The following PCNX2 variants were observed in gnomAD, a reference collection of about 807,000 sequenced individuals.
PCNX2 encodes the protein pecanex-like protein 2.
Under a neutral mutation model 223.8 loss-of-function variants are expected in PCNX2, and 168 were observed. The observed-to-expected ratio is 0.75, with a 90% confidence interval of 0.66 to 0.85. The LOEUF (loss-of-function observed/expected upper bound fraction) is 0.85, where lower values mean the gene tolerates loss of function less well. Among genes scored for constraint, PCNX2 ranks in the 40% least tolerant of loss-of-function variants. The pLI, the probability that PCNX2 is intolerant of heterozygous loss-of-function variation, is 0.00. For missense variants in PCNX2, 2,507 were observed against 2,675.5 expected, an observed-to-expected ratio of 0.94 and a Z score of 1.39; for synonymous variants, 1,006 against 1,052.6, an observed-to-expected ratio of 0.96 and a Z score of 0.86.
chr1:233,250,337 T>A (rs1289652437), intron 8 of PCNX2, among the ~76,000 whole-genome samples: 2 of 152,190 alleles, frequency 1.3e-5, no homozygotes, highest in African/African-American at 4.8e-5. Context: ...AAGATGTGTA[T>A]CTATCTGTAA....
At chr1:233,314,587 T>A in the PCNX2 span, among the ~76,000 whole-genome samples, 1 of 152,094 alleles carries the variant, frequency 6.6e-6, no homozygotes, top group African/African-American at 2.4e-5. Context: ...TTAGAATCCA[T>A]CTAAGTAGGA....
chr1:233,177,961 A>G, intron 16 of PCNX2, 63 bp from the exon 17 acceptor site: 1 of 1,334,698 alleles, frequency 7.5e-7, no homozygotes, highest in Non-Finnish European at 1.1e-6. Context: ...TTCGGTAAAT[A>G]ACTTCACCTT....
intron 25 of PCNX2, among the ~76,000 whole-genome samples, chr1:233,050,758 G>A (rs902884664): frequency 6.6e-6 from 1 of 151,928 alleles, no homozygotes; most frequent in African/African-American, 2.4e-5. Flanking sequence ...TCTGGACATG[G>A]GCCTTAGGAA....
chr1:233,260,846 G>A (rs141165366), intron 4 of PCNX2, among the ~76,000 whole-genome samples: 14 of 151,750 alleles, frequency 9.2e-5, no homozygotes, highest in African/African-American at 3.1e-4. Context: ...AACAAAAATT[G>A]TTTAAGTTAA....
upstream of PCNX2, among the ~76,000 whole-genome samples, chr1:233,299,728 T>A (rs1479751530): frequency 6.6e-6 from 1 of 152,160 alleles, no homozygotes; most frequent in Non-Finnish European, 1.5e-5. Flanking sequence ...AATACTCTGG[T>A]TTCTTCTCTT....
chr1:233,273,631 T>A (rs1486126840), intron 1 of PCNX2, among the ~76,000 whole-genome samples: 6 of 56,588 alleles, frequency 1.1e-4, no homozygotes, highest in Admixed American at 6.6e-4. Flanking sequence ...TCTTTTGGCA[T>A]TTTTTTTTTT....
At position 233,139,779 on chromosome 1, in the gene PCNX2, C is replaced by T. The variant is rs755904680; in HGVS notation, c.3594G>A (p.Ala1198=). The change falls in exon 20 of 34, where the codon GCG becomes GCA. Residue 1198 remains alanine (A), a synonymous_variant. Coordinates refer to ENST00000258229, the MANE Select transcript of PCNX2 (RefSeq NM_014801.4). The surrounding 1 kb of genome is among the most constrained non-coding windows in gnomAD (Gnocchi z 4.4). The stretch of plus-strand genomic sequence containing the variant: ...CAATAGTGAGGGCATTCAAAATTAG[C>T]GCTGGGTACAAGATGTATTTTTCAA... ...QCFEKYILYP[A]LILNALTIDA... 5.6e-6 allele frequency: 9 copies of T among 1,612,276 alleles called. No individual in the cohort carries two copies. The highest frequency in any genetic ancestry group is 1.7e-5 in the Admixed American group (1 of 59,816).
At chr1:233,150,731 C>T (rs148586492) in intron 19 of PCNX2, among the ~76,000 whole-genome samples, 352 of 120,928 alleles carry the variant, frequency 2.9e-3, no homozygotes, top group Non-Finnish European at 4.7e-3. Flanking sequence ...GTTCATTTCC[C>T]CAAAACCATC....
chr1:233,177,468 A>C (rs1370763189), intron 17 of PCNX2, among the ~76,000 whole-genome samples: 1 of 152,246 alleles, frequency 6.6e-6, no homozygotes, highest in African/African-American at 2.4e-5. Flanking sequence ...TGGATGTGTC[A>C]GGTTATAAAT....
chr1:233,289,972 C>T (rs1439586879), intron 1 of PCNX2, among the ~76,000 whole-genome samples: 1 of 152,116 alleles, frequency 6.6e-6, no homozygotes, highest in South Asian at 2.1e-4. Flanking sequence ...ATAATTTACA[C>T]TAAGTCATCT....
chr1:233,230,251 A>T (rs769854563), intron 9 of PCNX2, among the ~76,000 whole-genome samples: 8 of 152,152 alleles, frequency 5.3e-5, no homozygotes, highest in Non-Finnish European at 1.0e-4. Flanking sequence ...TGTAGGACTG[A>T]CATCCTGGGA....
At chr1:233,002,371 C>T (rs967048632) in intron 28 of PCNX2, among the ~76,000 whole-genome samples, 1 of 152,064 alleles carries the variant, frequency 6.6e-6, no homozygotes, top group African/African-American at 2.4e-5. Flanking sequence ...AATAGACAAA[C>T]AGAGAGCCAA....
intron 13 of PCNX2, among the ~76,000 whole-genome samples, chr1:233,204,758 A>AT (rs1295731101): frequency 6.6e-6 from 1 of 152,060 alleles, no homozygotes; most frequent in Non-Finnish European, 1.5e-5. Flanking sequence ...CTATTGTTCT[A>AT]TTTTTCTATT....
intron 10 of PCNX2, among the ~76,000 whole-genome samples, chr1:233,224,714 G>A (rs1657594113): frequency 6.6e-6 from 1 of 152,032 alleles, no homozygotes; most frequent in African/African-American, 2.4e-5. Flanking sequence ...AGTTCATGTA[G>A]TCCCTTTCCT....
chr1:233,066,429 G>C (rs1002711360), intron 23 of PCNX2, among the ~76,000 whole-genome samples: 10 of 152,194 alleles, frequency 6.6e-5, no homozygotes, highest in African/African-American at 2.4e-4. Context: ...GCATCTCTGA[G>C]TTTTTAGGTG....
chr1:233,012,643 A>G (rs758906506), intron 28 of PCNX2, among the ~76,000 whole-genome samples: 3 of 152,180 alleles, frequency 2.0e-5, no homozygotes, highest in African/African-American at 4.8e-5. Flanking sequence ...CATCAAAACA[A>G]AGTTTAAAAA....
Position 233,295,442 on chromosome 1 carries a change from CG to C in PCNX2, c.36del (p.Val13CysfsTer55). 6.4e-7 allele frequency: 1 copy of C among 1,551,286 alleles called. No individual in the cohort carries two copies. The highest frequency in any genetic ancestry group is 1.2e-5 in the South Asian group (1 of 84,050). On this transcript the variant is annotated frameshift_variant, in exon 1 of 34. Transcript: ENST00000258229. LOFTEE classifies it high-confidence loss of function. This position sits in a 1 kb window ranked among gnomAD's most constrained non-coding sequence, Gnocchi z 4.1. ...VSQVLQLLRQ[G>X]VWAALTGGWY... ...CAGCCCCCGGTGAGCGCGGCCCACA[CG>C]CCCTGCCGGAGCAGCTGCAGCACCT... is the stretch of plus-strand genomic sequence containing the variant.
At position 233,258,619 on chromosome 1, in the gene PCNX2, G is replaced by T; in HGVS notation, c.1243C>A (p.Pro415Thr). 6.2e-7 allele frequency: 1 copy of T among 1,613,936 alleles called. No homozygotes were observed. The highest frequency in any genetic ancestry group is 2.2e-5 in the East Asian group (1 of 44,872). Residue 415 changes from proline (P) to threonine (T), a missense_variant, in exon 5 of 34, where the codon CCA (proline) becomes ACA (threonine). Pro to Thr is a conservative substitution (Grantham distance 38). This residue lies in a region of PCNX2 where 1,031 missense variants were observed against 1,021.7 expected (regional missense o/e 1.01). Coordinates refer to ENST00000258229, the MANE Select transcript of PCNX2 (RefSeq NM_014801.4). ...GCATTTGGAGAACCGGCCGCCCCTG[G>T]GTTAGTGGGCTCAGCGTCAGACTTT... is the stretch of plus-strand genomic sequence containing the variant. ...SVKSDAEPTN[P>T]GAAGSPNAEQ...
At chr1:233,103,000 G>A (rs2102962038) in intron 21 of PCNX2, among the ~76,000 whole-genome samples, 1 of 151,758 alleles carries the variant, frequency 6.6e-6, no homozygotes, top group East Asian at 1.9e-4. Context: ...CATAGTTTCA[G>A]GTCTTATATT....
Sources: gnomAD v4.1 joint callset for allele counts (sites outside exome capture counted in the v4.1 genomes callset) on GRCh38, gnomAD v4.1.1 for gene constraint, gnomAD v4.1.1 regional missense constraint, Gnocchi (gnomAD v3.1) non-coding constraint, MANE v1.5 for transcripts, NCBI Gene and HGNC (gene_info 2026-07-23, HGNC 2026-07-21) for gene names.